The following USF2 variants were observed in gnomAD, a reference collection of about 807,000 sequenced individuals.
USF2 encodes the protein upstream transcription factor 2, c-fos interacting.
In USF2, 16 loss-of-function variants were observed where a neutral mutation model predicts 46.9. The observed-to-expected ratio is 0.34, with a 90% CI of 0.23 to 0.52. The LOEUF is 0.52. Among genes scored for constraint, USF2 ranks in the 20% least tolerant of loss-of-function variants. The pLI is 0.96. For missense variants in USF2, 411 were observed against 474.0 expected, an observed-to-expected ratio of 0.87 and a Z score of 1.23; for synonymous variants, 239 against 194.1, an observed-to-expected ratio of 1.23 and a Z score of -1.92.
At chr19:35,274,951 A>C (rs1335012719) in intron 7 of USF2, 3 of 125,864 alleles carry the variant, frequency 2.4e-5, no homozygotes, top group Non-Finnish European at 5.1e-5. Flanking sequence ...AGAAATCGAG[A>C]CTTATGTGAA....
At position 35,279,556 on chromosome 19, in the gene USF2, C is replaced by T. The variant is rs2471748; in HGVS notation, c.*300C>T. On this transcript the variant is annotated 3_prime_UTR_variant, in exon 10 of 10. Coordinates refer to ENST00000222305, the MANE Select transcript of USF2 (RefSeq NM_003367.4). Reference sequence around the variant, plus strand: ...GAGGCAAGAGGGAGGGGACAGAGGCCCTGCCACGTCCCGCTGCCTCCTGCT... The same window carrying T: ...GAGGCAAGAGGGAGGGGACAGAGGCTCTGCCACGTCCCGCTGCCTCCTGCT... The T allele has an allele frequency of 2.8e-6, 1 of 363,538 alleles. No homozygotes were observed. The highest frequency in any genetic ancestry group is 8.0e-5 in the South Asian group (1 of 12,486). 22.5% of individuals were successfully genotyped at this position (363,538 alleles called of 1,614,324 possible).
rs1319922667 is a variant in USF2, at chr19:35,278,547, T to G, written c.728-151T>G. 12 of 755,716 alleles carry G rather than the reference T, an allele frequency of 1.6e-5. No homozygotes were observed. In the East Asian group the frequency reaches 3.1e-4, roughly 19 times the overall value. The allele number at this position is 755,716 out of a possible 1,614,324, so 46.8% of individuals were successfully genotyped here. A position where few individuals can be genotyped will look rare whatever the true frequency, so the allele number is the denominator to read the frequency against. On this transcript the variant is annotated intron_variant, in intron 7 of 9. Transcript: ENST00000222305. ...AAGCTGGGGTGGGGGCCGGCTGGGC[T>G]CAGGGTGCGGCCCCTCACTTCCCAG...
intron 2 of USF2, 43 bp from the exon 3 acceptor site, chr19:35,269,538 C>A: frequency 6.4e-7 from 1 of 1,551,370 alleles, no homozygotes; most frequent in Non-Finnish European, 8.7e-7. Flanking sequence ...GCTGGGGGCG[C>A]TCGGCGCGGC....
Position 35,269,791 on chromosome 19 carries a change from C to T in USF2, c.229-12C>T. The T allele has an allele frequency of 2.0e-6, 3 of 1,491,566 alleles. No homozygotes were observed. Among genetic ancestry groups the T allele is most frequent in the Non-Finnish European group, 2.7e-6 (3 of 1,124,910 alleles). 92.4% of individuals were successfully genotyped at this position (1,491,566 alleles called of 1,614,324 possible). Reference sequence around the variant, plus strand: ...CCCAGCGCCGGCCTCGCCGCTCTGCCGCCCCCTGCAGGTGACATACCGCGT... The same window carrying T: ...CCCAGCGCCGGCCTCGCCGCTCTGCTGCCCCCTGCAGGTGACATACCGCGT... On this transcript the variant is annotated splice_polypyrimidine_tract_variant and intron_variant, in intron 3 of 9. Transcript: ENST00000222305.
intron 7 of USF2, among the ~76,000 whole-genome samples, chr19:35,271,588 G>A (rs781511823): frequency 6.6e-6 from 1 of 152,234 alleles, no homozygotes; most frequent in Non-Finnish European, 1.5e-5. Context: ...GAAACTGCAT[G>A]AAGTTCTGCC....
intron 6 of USF2, 59 bp downstream of exon 6, chr19:35,270,864 G>A (rs1599623177): frequency 6.2e-7 from 1 of 1,602,408 alleles, no homozygotes; most frequent in Non-Finnish European, 8.5e-7. Context: ...AGGGGTTTCT[G>A]GAGTAGAAGC....
intron 7 of USF2, among the ~76,000 whole-genome samples, chr19:35,274,552 G>A (rs2066205391): frequency 1.3e-5 from 2 of 152,104 alleles, no homozygotes; most frequent in Non-Finnish European, 2.9e-5. Context: ...AGCACTTTTG[G>A]GATTACATTT....
intron 1 of USF2, 74 bp from the exon 2 acceptor site, chr19:35,269,372 C>T: frequency 8.0e-7 from 1 of 1,255,928 alleles, no homozygotes; most frequent in Non-Finnish European, 1.0e-6. Flanking sequence ...GGACTGGGGC[C>T]CTGCAGCTGG....
intron 6 of USF2, 66 bp downstream of exon 6, chr19:35,270,871 A>C (rs2066144025): frequency 6.3e-6 from 10 of 1,594,254 alleles, no homozygotes; most frequent in Non-Finnish European, 8.6e-6. Flanking sequence ...TCTGGAGTAG[A>C]AGCTGGGCAG....
intron 7 of USF2, among the ~76,000 whole-genome samples, chr19:35,271,549 C>G (rs1423920096): frequency 6.6e-6 from 1 of 152,230 alleles, no homozygotes; most frequent in African/African-American, 2.4e-5. Context: ...AGAAGTAGGT[C>G]TGTTCCCCCA....
chr19:35,269,737 CG>C, intron 3 of USF2, 38 bp downstream of exon 3: 1 of 1,099,612 alleles, frequency 9.1e-7, no homozygotes, highest in South Asian at 4.5e-5. Flanking sequence ...GGCGGGCGGG[CG>C]GGCGCGCCGG....
intron 7 of USF2, among the ~76,000 whole-genome samples, chr19:35,274,909 A>G (rs1013458813): frequency 4.6e-5 from 7 of 152,142 alleles, no homozygotes; most frequent in Non-Finnish European, 7.3e-5. Flanking sequence ...GTCAGAATCT[A>G]GGGCCACTGT....
chr19:35,279,095 G>A (rs765881608), intron 9 of USF2, 21 bp downstream of exon 9: 23 of 1,612,342 alleles, frequency 1.4e-5, no homozygotes, highest in East Asian at 4.5e-5. Context: ...GGCCTGGAGC[G>A]GGTCAGGGCC....
At chr19:35,276,343 G>T (rs567387116) in intron 7 of USF2, among the ~76,000 whole-genome samples, 1 of 152,134 alleles carries the variant, frequency 6.6e-6, no homozygotes, top group East Asian at 1.9e-4. Context: ...GATTACAGGC[G>T]TGAGCCACCC....
chr19:35,279,221 A>G lies in USF2; in HGVS notation c.1006A>G (p.Asn336Asp), dbSNP rs373384211. The G allele has an allele frequency of 6.3e-7, 1 of 1,580,252 alleles. No individual in the cohort carries two copies. Among genetic ancestry groups the G allele is most frequent in the Non-Finnish European group, 8.6e-7 (1 of 1,162,420 alleles). ...ALLRAQLQQH[N>D]LEMVGEGTRQ The stretch of plus-strand genomic sequence containing the variant: ...GCTTCGAGCCCAGCTGCAGCAGCAC[A>G]ACCTGGAGATGGTGGGCGAGGGCAC... Residue 336 changes from asparagine to aspartate, a missense_variant, in exon 10 of 10, where the codon AAC becomes GAC. Physicochemically the swap from Asn to Asp is conservative, Grantham distance 23. Around this residue, in one of 2 missense-constraint regions of USF2, gnomAD observed 93 missense variants for 151.6 expected, o/e 0.61. Transcript: ENST00000222305.
Position 35,269,995 on chromosome 19 carries a change from TTCCCGCTGGTAGGTGCCCTGCCAC to T in USF2, c.422_429+16del. On this transcript the variant is annotated splice_donor_variant and splice_donor_5th_base_variant and coding_sequence_variant and intron_variant, in exon 4 of 10. Coordinates refer to ENST00000222305, the MANE Select transcript of USF2 (RefSeq NM_003367.4). LOFTEE classifies it high-confidence loss of function. The stretch of plus-strand genomic sequence containing the variant: ...TGTGCCCCCAGGTCCTGCAGCGCCC[TTCCCGCTGGTAGGTGCCCTGCCAC>T]CCCTGGGTGGGGGGGGGAGGGAGTG... The T allele has an allele frequency of 7.5e-7, 1 of 1,340,218 alleles. No homozygotes were observed. Among genetic ancestry groups the T allele is most frequent in the Non-Finnish European group, 9.5e-7 (1 of 1,052,504 alleles). 83.0% of individuals were successfully genotyped at this position (1,340,218 alleles called of 1,614,324 possible).
chr19:35,277,732 G>A (rs988665024), intron 7 of USF2: 2 of 152,414 alleles, frequency 1.3e-5, no homozygotes, highest in African/African-American at 2.4e-5. Flanking sequence ...GGGTCCGTGG[G>A]GTAGGAGTTG....
intron 1 of USF2, 23 bp from the exon 2 acceptor site, chr19:35,269,423 G>GC (rs1318292938): frequency 6.8e-7 from 1 of 1,474,416 alleles, no homozygotes; most frequent in Non-Finnish European, 8.9e-7. Context: ...CGCTGACCCT[G>GC]CTCCCTCCTG....
At position 35,279,556 on chromosome 19, in the gene USF2, C is replaced by G; in HGVS notation, c.*300C>G. The G allele has an allele frequency of 2.8e-6, 1 of 363,538 alleles. No homozygotes were observed. Among genetic ancestry groups the G allele is most frequent in the Non-Finnish European group, 4.9e-6 (1 of 202,808 alleles). 22.5% of individuals were successfully genotyped at this position (363,538 alleles called of 1,614,324 possible). On this transcript the variant is annotated 3_prime_UTR_variant, in exon 10 of 10. Coordinates refer to ENST00000222305, the MANE Select transcript of USF2 (RefSeq NM_003367.4). Reference sequence around the variant, plus strand: ...GAGGCAAGAGGGAGGGGACAGAGGCCCTGCCACGTCCCGCTGCCTCCTGCT... The same window carrying G: ...GAGGCAAGAGGGAGGGGACAGAGGCGCTGCCACGTCCCGCTGCCTCCTGCT...
Sources: allele counts gnomAD v4.1 joint callset (sites outside exome capture counted in the v4.1 genomes callset), GRCh38; gene constraint gnomAD v4.1.1; regional missense constraint gnomAD v4.1.1; transcripts MANE v1.5; gene names NCBI Gene and HGNC (gene_info 2026-07-23, HGNC 2026-07-21).